The following CHD6 variants were observed in gnomAD, a reference collection of about 807,000 sequenced individuals.
CHD6 encodes the protein ATP-dependent chromatin remodeler CHD6.
A neutral mutation model predicts 276.9 loss-of-function variants in CHD6; 50 were observed. The observed-to-expected ratio is 0.18, with a 90% confidence interval of 0.14 to 0.23. The LOEUF (loss-of-function observed/expected upper bound fraction) is 0.23, where lower values mean the gene tolerates loss of function less well. CHD6 is among the 10% of genes least tolerant of loss of function. The pLI is 1.00. For missense variants in CHD6, 2,564 were observed against 3,365.8 expected (o/e 0.76, Z 5.89); for synonymous variants, 1,173 against 1,229.3 (o/e 0.95, Z 0.96).
intron 25 of CHD6, among the ~76,000 whole-genome samples, chr20:41,441,222 T>C (rs909442082): frequency 4.6e-5 from 7 of 152,154 alleles, no homozygotes; most frequent in African/African-American, 2.4e-5. Flanking sequence ...CCTGTATCTG[T>C]TTTTGCTCAT....
intron 16 of CHD6, among the ~76,000 whole-genome samples, chr20:41,479,341 G>A (rs2043241282): frequency 6.6e-6 from 1 of 152,146 alleles, no homozygotes; most frequent in Admixed American, 6.5e-5. Flanking sequence ...AGCTCAGTAA[G>A]CAGGATGAAT....
At chr20:41,542,889 G>C (rs965600528) in intron 2 of CHD6, among the ~76,000 whole-genome samples, 4 of 151,878 alleles carry the variant, frequency 2.6e-5, no homozygotes, top group Admixed American at 2.6e-4. Context: ...TGGATCACAA[G>C]GTCAGGAGAT....
rs1443701064 is a variant in CHD6 at position 41,464,815 on chromosome 20, G to A, written c.2665-7387C>T. On this transcript the variant is annotated intron_variant, in intron 17 of 36. Transcript: ENST00000373233. The stretch of plus-strand genomic sequence containing the variant: ...TCGTTGGAGAATGGTCAATTCCAAC[G>A]TGGGGGCACGAAAAATGTAACATGG... 7.9e-5 allele frequency among the ~76,000 whole-genome samples: 12 copies of A among 152,276 alleles called. No individual in the cohort carries two copies. The South Asian group carries it at 1.9e-3, about 24-fold the overall frequency.
chr20:41,568,759 A>T (rs2146203025), intron 1 of CHD6, among the ~76,000 whole-genome samples: 1 of 152,300 alleles, frequency 6.6e-6, no homozygotes, highest in Non-Finnish European at 1.5e-5. Context: ...GGTTTTATGG[A>T]TGAAATGCTA....
chr20:41,617,591 G>A (rs1238863876), intron 1 of CHD6, among the ~76,000 whole-genome samples: 1 of 152,186 alleles, frequency 6.6e-6, no homozygotes, highest in African/African-American at 2.4e-5. Context: ...CAACAGCGAG[G>A]AAAATAAATA....
chr20:41,610,060 T>C (rs557575934), intron 1 of CHD6, among the ~76,000 whole-genome samples: 2 of 152,184 alleles, frequency 1.3e-5, no homozygotes, highest in South Asian at 4.1e-4. Context: ...TTTCACCATG[T>C]TGGCCAGGCT....
chr20:41,432,571 A>C (rs1229229046), intron 27 of CHD6, among the ~76,000 whole-genome samples: 1 of 149,038 alleles, frequency 6.7e-6, no homozygotes, highest in Non-Finnish European at 1.5e-5. Flanking sequence ...TTTTGCTTCC[A>C]CCTCACAGAA....
At chr20:41,463,926 AGG>A (rs2042858837) in intron 17 of CHD6, among the ~76,000 whole-genome samples, 1 of 152,332 alleles carries the variant, frequency 6.6e-6, no homozygotes, top group African/African-American at 2.4e-5. Context: ...TTAGGGGACA[AGG>A]GGGTACAATG....
At chr20:41,518,307 C>T (rs1308639607) in intron 3 of CHD6, among the ~76,000 whole-genome samples, 1 of 152,136 alleles carries the variant, frequency 6.6e-6, no homozygotes, top group African/African-American at 2.4e-5. Flanking sequence ...CGCGCGTGCC[C>T]ACATGCTAGA....
intron 2 of CHD6, among the ~76,000 whole-genome samples, chr20:41,535,760 G>C (rs1297659724): frequency 1.1e-4 from 17 of 152,186 alleles, no homozygotes; most frequent in Admixed American, 1.1e-3. Context: ...TAGCTACTTA[G>C]GAGGCTGAGG....
chr20:41,428,191 CAT>C (rs547220789), intron 27 of CHD6, among the ~76,000 whole-genome samples: 407 of 152,314 alleles, frequency 2.7e-3, no homozygotes, highest in Middle Eastern at 0.01. Context: ...TTTGAGCATT[CAT>C]AGTGTTTTTC....
chr20:41,586,205 C>T (rs1330191264), intron 1 of CHD6, among the ~76,000 whole-genome samples: 2 of 152,186 alleles, frequency 1.3e-5, no homozygotes, highest in South Asian at 2.1e-4. Flanking sequence ...CTCTTCTGGT[C>T]CGTGTTTGTT....
At chr20:41,605,767 C>CAAA (rs11467155) in intron 1 of CHD6, among the ~76,000 whole-genome samples, 2 of 151,708 alleles carry the variant, frequency 1.3e-5, no homozygotes, top group East Asian at 1.9e-4. Context: ...GTAAAATTGA[C>CAAA]AAAATTTCAT....
intron 3 of CHD6, among the ~76,000 whole-genome samples, chr20:41,515,209 C>T (rs1279299925): frequency 6.6e-6 from 1 of 152,144 alleles, no homozygotes. Flanking sequence ...ATGAACATCT[C>T]CAAAAACTTC....
In CHD6 at chr20:41,444,093, T is replaced by TC. The variant is rs552998765; in HGVS notation, c.3877+1571dup. On this transcript the variant is annotated intron_variant, in intron 25 of 36. Transcript: ENST00000373233. ...AATGAGACTCAGGGTCACTAGGCCTTCCCCCACAAACCAAATTCAGATGCT... is the reference window on the plus strand; with the variant it reads ...AATGAGACTCAGGGTCACTAGGCCTTCCCCCCACAAACCAAATTCAGATGCT... 8.5e-4 allele frequency among the ~76,000 whole-genome samples: 130 copies of TC among 152,270 alleles called. 3 individuals are homozygous for TC. In the South Asian group the frequency reaches 0.026, roughly 31 times the overall value.
chr20:41,481,876 T>C (rs966230605), intron 16 of CHD6, among the ~76,000 whole-genome samples: 1 of 152,018 alleles, frequency 6.6e-6, no homozygotes, highest in East Asian at 1.9e-4. Flanking sequence ...CAAAGTGCAA[T>C]GTAGAACAGC....
intron 5 of CHD6, among the ~76,000 whole-genome samples, chr20:41,504,115 A>T (rs1289358193): frequency 6.8e-6 from 1 of 147,884 alleles, no homozygotes; most frequent in African/African-American, 2.5e-5. Context: ...GAAATACATT[A>T]CAACTTTTAA....
chr20:41,519,588 T>C (rs2044336607), intron 3 of CHD6, among the ~76,000 whole-genome samples: 1 of 152,148 alleles, frequency 6.6e-6, no homozygotes, highest in Non-Finnish European at 1.5e-5. Context: ...AATTCCCTAT[T>C]TAATAAATGG....
At chr20:41,463,414 A>C (rs930904710) in intron 17 of CHD6, among the ~76,000 whole-genome samples, 11 of 152,226 alleles carry the variant, frequency 7.2e-5, no homozygotes, top group African/African-American at 2.4e-4. Context: ...TATTATTTTC[A>C]AAGGGAAAAA....
Sources: gnomAD v4.1 joint callset for allele counts (sites outside exome capture counted in the v4.1 genomes callset) on GRCh38, gnomAD v4.1.1 for gene constraint, MANE v1.5 for transcripts, NCBI Gene and HGNC (gene_info 2026-07-23, HGNC 2026-07-21) for gene names.